The following COL28A1 variants were observed in gnomAD, a reference collection of about 807,000 sequenced individuals.
The protein encoded by COL28A1 is collagen alpha-1(XXVIII) chain.
Under a neutral mutation model 150.2 loss-of-function variants are expected in COL28A1, and 161 were observed. The ratio of observed to expected loss-of-function variants is 1.07; its 90% CI spans 0.94 to 1.22. COL28A1 has a LOEUF of 1.22. COL28A1 is among the 50% of genes most tolerant of loss of function. COL28A1 has a pLI of 0.00. For missense variants in COL28A1, 1,617 were observed against 1,388.3 expected (o/e 1.16, Z -2.62); for synonymous variants, 552 against 469.7 (o/e 1.18, Z -2.26).
chr7:7,519,646 A>G (rs1316443290), intron 6 of COL28A1, among the ~76,000 whole-genome samples: 2 of 152,162 alleles, frequency 1.3e-5, no homozygotes, highest in Non-Finnish European at 2.9e-5. Flanking sequence ...TGGGAGTGAG[A>G]AACAATCTGG....
At chr7:7,532,066 A>G (rs1412125961) in intron 2 of COL28A1, among the ~76,000 whole-genome samples, 162 bp from the exon 3 acceptor site, 1 of 152,174 alleles carries the variant, frequency 6.6e-6, no homozygotes, top group Non-Finnish European at 1.5e-5. Context: ...ATTGTAAAAA[A>G]CTAAATGTCT....
chr7:7,382,513 A>C (rs11976028), intron 27 of COL28A1, among the ~76,000 whole-genome samples: 1 of 152,054 alleles, frequency 6.6e-6, no homozygotes, highest in Non-Finnish European at 1.5e-5. Flanking sequence ...CCCCACCCAA[A>C]CCACACAGTT....
intron 13 of COL28A1, among the ~76,000 whole-genome samples, chr7:7,482,287 C>T (rs774491215): frequency 2.2e-4 from 34 of 151,986 alleles, no homozygotes; most frequent in African/African-American, 6.3e-4. Flanking sequence ...CACTTCAGGA[C>T]GCTGAGGTGG....
At chr7:7,536,016 T>G (rs1337694957), upstream of COL28A1, among the ~76,000 whole-genome samples, 1 of 152,232 alleles carries the variant, frequency 6.6e-6, no homozygotes, top group Non-Finnish European at 1.5e-5. Context: ...AATGAGACTG[T>G]GTTTTCCAGA....
intron 25 of COL28A1, among the ~76,000 whole-genome samples, chr7:7,422,042 T>C (rs993759825): frequency 4.6e-5 from 7 of 152,176 alleles, no homozygotes; most frequent in African/African-American, 1.7e-4. Context: ...TATGAAGTAC[T>C]TTCAAAGGGA....
chr7:7,431,516 C>A (rs923050125), intron 25 of COL28A1: 2 of 470,862 alleles, frequency 4.2e-6, no homozygotes, highest in Non-Finnish European at 8.8e-6. Flanking sequence ...GCCATCCTGG[C>A]GAGTCCCTGA....
intron 8 of COL28A1, among the ~76,000 whole-genome samples, chr7:7,512,198 T>C (rs1273612798): frequency 6.6e-6 from 1 of 152,106 alleles, no homozygotes; most frequent in Non-Finnish European, 1.5e-5. Flanking sequence ...AGAAGGGTGG[T>C]TACCAGGGGT....
chr7:7,357,762 CAG>C (rs61324796), downstream of COL28A1: 99,179 of 151,632 alleles, frequency 0.65, 36,290 homozygotes, highest in East Asian at 0.88. Context: ...TATAAAATGA[CAG>C]AGTCAATTCT....
At chr7:7,434,976 C>T (rs565556957) in intron 23 of COL28A1, among the ~76,000 whole-genome samples, 9 of 152,234 alleles carry the variant, frequency 5.9e-5, no homozygotes, top group Admixed American at 3.3e-4. Context: ...CTAAATCTTC[C>T]GTCAGACCTT....
chr7:7,386,905 G>A (rs1443336993), intron 27 of COL28A1, among the ~76,000 whole-genome samples: 1 of 152,142 alleles, frequency 6.6e-6, no homozygotes, highest in Non-Finnish European at 1.5e-5. Context: ...CCACGATCAA[G>A]GAATTGGCAA....
chr7:7,397,953 C>T (rs1782939989), intron 27 of COL28A1, among the ~76,000 whole-genome samples: 1 of 152,198 alleles, frequency 6.6e-6, no homozygotes, highest in African/African-American at 2.4e-5. Context: ...AATATTTTTG[C>T]ATTTGCCTCA....
At chr7:7,390,468 C>T (rs1273531275) in intron 27 of COL28A1, among the ~76,000 whole-genome samples, 1 of 152,090 alleles carries the variant, frequency 6.6e-6, no homozygotes, top group Non-Finnish European at 1.5e-5. Flanking sequence ...TTTGTTGGGT[C>T]TCTGCCAGGT....
chr7:7,465,275 G>A (rs537197364), intron 15 of COL28A1, among the ~76,000 whole-genome samples: 1,072 of 2,164 alleles, frequency 0.5, 17 homozygotes, highest in African/African-American at 0.5. Flanking sequence ...GAAGCAGGGC[G>A]AGCATTGCCT....
downstream of COL28A1, among the ~76,000 whole-genome samples, chr7:7,352,970 T>C (rs1210158160): frequency 6.6e-6 from 1 of 152,294 alleles, no homozygotes; most frequent in Admixed American, 6.5e-5. Context: ...CAAATTCTTA[T>C]GCAAAAGGAA....
At position 7,364,728 on chromosome 7, in the gene COL28A1, A is replaced by G. The variant is rs562044824; in HGVS notation, c.3067-4200T>C. Among the ~76,000 whole-genome samples the G allele has an allele frequency of 2.6e-5, 4 of 152,124 alleles. No individual in the cohort carries two copies. The South Asian group carries it at 8.3e-4, about 32-fold the overall frequency. On this transcript the variant is annotated intron_variant, in intron 33 of 34. Coordinates refer to ENST00000399429, the MANE Select transcript of COL28A1 (RefSeq NM_001037763.3). ...CCTAAGATGGGTAGAGGAAAAAAAA[A>G]TTTCCTCCCCTCCACTATCTTGTAT...
chr7:7,531,306 T>C (rs1397342382), intron 3 of COL28A1, 42 bp downstream of exon 3: 3 of 791,090 alleles, frequency 3.8e-6, no homozygotes, highest in South Asian at 1.8e-5. Context: ...AATATGTCAA[T>C]ATTATGATGA....
At chr7:7,487,953 C>A (rs1779718406) in intron 13 of COL28A1, among the ~76,000 whole-genome samples, 1 of 152,176 alleles carries the variant, frequency 6.6e-6, no homozygotes, top group Admixed American at 6.5e-5. Context: ...AATGAGGTCT[C>A]TGGGCAACAA....
the COL28A1 span, among the ~76,000 whole-genome samples, chr7:7,540,910 G>GACAGCCC: frequency 3.3e-4 from 50 of 152,168 alleles, no homozygotes; most frequent in Middle Eastern, 3.4e-3. Context: ...TTCAATAACT[G>GACAGCCC]ATCCCTAATC....
chr7:7,363,124 G>A (rs1780755848), intron 33 of COL28A1, among the ~76,000 whole-genome samples: 1 of 152,158 alleles, frequency 6.6e-6, no homozygotes, highest in African/African-American at 2.4e-5. Flanking sequence ...AAAGTTTGAG[G>A]AGTAAGTTTA....
Sources: allele counts gnomAD v4.1 joint callset (sites outside exome capture counted in the v4.1 genomes callset), GRCh38; gene constraint gnomAD v4.1.1; transcripts MANE v1.5; gene names NCBI Gene and HGNC (gene_info 2026-07-23, HGNC 2026-07-21).